CHRM3: variants seen among roughly 807,000 people sequenced by gnomAD.
The protein encoded by CHRM3 is muscarinic acetylcholine receptor M3.
A neutral mutation model predicts 41.8 loss-of-function variants in CHRM3; 11 were observed. The observed-to-expected ratio is 0.26, with a 90% CI of 0.17 to 0.44. The LOEUF (loss-of-function observed/expected upper bound fraction) is 0.44. Among genes scored for constraint, CHRM3 ranks in the 20% least tolerant of loss-of-function variants. The pLI is 1.00. For synonymous variants in CHRM3, 297 were observed against 301.4 expected (o/e 0.99, Z 0.15); for missense variants, 571 against 745.4 (o/e 0.77, Z 2.72).
intron 5 of CHRM3, among the ~76,000 whole-genome samples, chr1:239,796,454 G>A (rs1036222620): frequency 2.6e-5 from 4 of 152,232 alleles, no homozygotes; most frequent in African/African-American, 4.8e-5. Flanking sequence ...CATTGGCATC[G>A]TTTCAGTGTA....
intron 2 of CHRM3, among the ~76,000 whole-genome samples, chr1:239,532,997 C>G (rs2148342971): frequency 6.6e-6 from 1 of 152,248 alleles, no homozygotes; most frequent in East Asian, 1.9e-4. Flanking sequence ...CTTTAATTCT[C>G]TATAGCGCTC....
intron 6 of CHRM3, among the ~76,000 whole-genome samples, chr1:239,904,717 T>C (rs554026174): frequency 3.8e-4 from 58 of 152,358 alleles, no homozygotes; most frequent in African/African-American, 1.3e-3. Flanking sequence ...GTCTTGTCAA[T>C]TTCCTATAAT....
chr1:239,631,289 C>T (rs1669799519), intron 3 of CHRM3, among the ~76,000 whole-genome samples: 1 of 152,180 alleles, frequency 6.6e-6, no homozygotes, highest in Non-Finnish European at 1.5e-5. Flanking sequence ...AGATGACACT[C>T]GCAGAGGTTT....
intron 4 of CHRM3, among the ~76,000 whole-genome samples, chr1:239,649,363 A>G (rs554760085): frequency 2.2e-4 from 34 of 152,212 alleles, no homozygotes; most frequent in Non-Finnish European, 4.8e-4. Flanking sequence ...CAGAATCATG[A>G]GCGATACATT....
rs2355229 is a variant in CHRM3, at chr1:239,621,745, G to T, written c.-312-10479G>T. ...GAAGAATGTGAAGCTAGCAGAGGTT[G>T]GTTCATGAGGTTTAAGGACAAAAGC... is the stretch of plus-strand genomic sequence containing the variant. On this transcript the variant is annotated intron_variant, in intron 3 of 6. Coordinates refer to ENST00000676153, the MANE Select transcript of CHRM3 (RefSeq NM_001375978.1). 2.5e-3 allele frequency among the ~76,000 whole-genome samples: 375 copies of T among 152,260 alleles called. 2 individuals carry two copies. The highest frequency in any genetic ancestry group is 8.7e-3 in the African/African-American group (363 of 41,556).
At chr1:239,554,624 A>G (rs1271926896) in intron 3 of CHRM3, among the ~76,000 whole-genome samples, 2 of 152,190 alleles carry the variant, frequency 1.3e-5, no homozygotes, top group Non-Finnish European at 2.9e-5. Context: ...AGATTACAAA[A>G]TTTGACATTT....
intron 3 of CHRM3, among the ~76,000 whole-genome samples, chr1:239,604,247 A>G (rs571341934): frequency 1.3e-5 from 2 of 152,060 alleles, no homozygotes; most frequent in Non-Finnish European, 2.9e-5. Flanking sequence ...AATGTAATAA[A>G]ACTTTAAATG....
intron 1 of CHRM3, among the ~76,000 whole-genome samples, chr1:239,401,674 G>A (rs1013720869): frequency 3.3e-5 from 5 of 151,946 alleles, no homozygotes; most frequent in African/African-American, 1.2e-4. Context: ...TGTATTTTTA[G>A]TAGAGTCGGG....
At chr1:239,529,746 A>C (rs949504432) in intron 2 of CHRM3, among the ~76,000 whole-genome samples, 1 of 151,964 alleles carries the variant, frequency 6.6e-6, no homozygotes, top group Non-Finnish European at 1.5e-5. Flanking sequence ...TAATCTTTGC[A>C]TTAACCTAAT....
chr1:239,559,937 A>C (rs928702229), intron 3 of CHRM3, among the ~76,000 whole-genome samples: 1 of 152,176 alleles, frequency 6.6e-6, no homozygotes, highest in East Asian at 1.9e-4. Flanking sequence ...TTATTTTGGC[A>C]TTGACCGCAG....
At chr1:239,730,107 G>T (rs868435059) in intron 5 of CHRM3, among the ~76,000 whole-genome samples, 2 of 151,890 alleles carry the variant, frequency 1.3e-5, no homozygotes, top group African/African-American at 4.8e-5. Context: ...AAATGTTTAA[G>T]TTAGAAAATA....
chr1:239,515,666 C>T (rs1669220650), intron 2 of CHRM3, among the ~76,000 whole-genome samples: 1 of 152,158 alleles, frequency 6.6e-6, no homozygotes, highest in South Asian at 2.1e-4. Flanking sequence ...ATGCATTTAA[C>T]TCCTTGCATC....
intron 6 of CHRM3, among the ~76,000 whole-genome samples, chr1:239,871,713 A>T (rs1400457629): frequency 6.6e-6 from 1 of 152,120 alleles, no homozygotes; most frequent in Non-Finnish European, 1.5e-5. Flanking sequence ...AGTTTACATG[A>T]TATGGTTCCC....
chr1:239,787,992 C>G (rs577780653), intron 5 of CHRM3, among the ~76,000 whole-genome samples: 55 of 152,264 alleles, frequency 3.6e-4, no homozygotes, highest in Non-Finnish European at 7.1e-4. Context: ...AGTCTCAGCA[C>G]TTTGGGAGGC....
intron 4 of CHRM3, among the ~76,000 whole-genome samples, chr1:239,640,239 G>A (rs1222941458): frequency 6.6e-6 from 1 of 152,112 alleles, no homozygotes; most frequent in Non-Finnish European, 1.5e-5. Context: ...TTTTGGTAGT[G>A]TCTCTGCCCG....
At chr1:239,838,936 A>G (rs1217919034) in intron 6 of CHRM3, among the ~76,000 whole-genome samples, 2 of 152,252 alleles carry the variant, frequency 1.3e-5, no homozygotes, top group Non-Finnish European at 1.5e-5. Flanking sequence ...TGGATTAAGG[A>G]TGATGTTAAA....
At chr1:239,732,818 AC>A in intron 5 of CHRM3, among the ~76,000 whole-genome samples, 1 of 136,758 alleles carries the variant, frequency 7.3e-6, no homozygotes, top group Non-Finnish European at 1.6e-5. Context: ...CTAATATCTC[AC>A]TTAGATAAGT....
At chr1:239,490,979 G>C (rs927723736) in intron 1 of CHRM3, among the ~76,000 whole-genome samples, 2 of 152,112 alleles carry the variant, frequency 1.3e-5, no homozygotes, top group South Asian at 2.1e-4. Flanking sequence ...GGGCTCAAGT[G>C]ATTTTTCCCC....
chr1:239,536,611 T>A (rs1658221691), intron 2 of CHRM3, among the ~76,000 whole-genome samples: 1 of 152,202 alleles, frequency 6.6e-6, no homozygotes, highest in Non-Finnish European at 1.5e-5. Context: ...TTCCCTTTAA[T>A]ACAAAACTAG....
Sources: allele counts gnomAD v4.1 joint callset (sites outside exome capture counted in the v4.1 genomes callset), GRCh38; gene constraint gnomAD v4.1.1; transcripts MANE v1.5; gene names NCBI Gene and HGNC (gene_info 2026-07-23, HGNC 2026-07-21).